Variants in PRKG2 observed in about 807,000 individuals in gnomAD.
PRKG2 encodes the protein protein kinase cGMP-dependent 2.
PRKG2 carries 33 observed loss-of-function variants against 97.2 expected under a neutral mutation model. That is an observed-to-expected ratio of 0.34 (90% CI 0.26 to 0.45). The LOEUF (loss-of-function observed/expected upper bound fraction) is 0.45. Ranked by LOEUF, PRKG2 falls within the 20% of genes least tolerant of loss-of-function variation. The probability of loss-of-function intolerance (pLI) is 1.00; values close to 1 mark genes in which losing one functional copy is unlikely to be tolerated. For synonymous variants in PRKG2, 330 were observed against 321.8 expected (o/e 1.03, Z -0.27); for missense variants, 638 against 900.0 (o/e 0.71, Z 3.73).
intron 12 of PRKG2, among the ~76,000 whole-genome samples, chr4:81,138,332 C>A (rs1746920408): frequency 6.6e-6 from 1 of 152,070 alleles, no homozygotes; most frequent in Non-Finnish European, 1.5e-5. Context: ...TTCTCCCTAG[C>A]ACCACATCCA....
Position 81,140,535 on chromosome 4 carries a change from C to T in PRKG2, c.1542G>A (p.Val514=). The change falls in exon 12 of 19, where the codon GTG becomes GTA. Residue 514 remains valine, a splice_region_variant and synonymous_variant. Coordinates refer to ENST00000264399, the MANE Select transcript of PRKG2 (RefSeq NM_006259.3). ...TTGGAAGCCAAGTGGTCACTTACTT[C>T]ACAATGAATGGAGAGCACAGCTCCT... ...ILEELCSPFI[V]KLYRTFKDNK... is the part of the protein sequence containing the mutation. 1.3e-6 allele frequency: 2 copies of T among 1,579,180 alleles called. No homozygotes were observed. The highest frequency in any genetic ancestry group is 1.2e-5 in the South Asian group (1 of 82,802).
Position 81,122,829 on chromosome 4 carries a change from A to G in PRKG2, c.1777-12218T>C, listed in dbSNP as rs542991697. 6.6e-5 allele frequency among the ~76,000 whole-genome samples: 10 copies of G among 152,334 alleles called. No individual in the cohort carries two copies. The South Asian group carries it at 1.9e-3, about 28-fold the overall frequency. On this transcript the variant is annotated intron_variant, in intron 14 of 18. Transcript: ENST00000264399. ...CAAAACTGGACTGCCCACAGTGTCC[A>G]TCACCCAGATGGAAGTCCTGTTGTA... is the stretch of plus-strand genomic sequence containing the variant.
intron 2 of PRKG2, among the ~76,000 whole-genome samples, chr4:81,177,631 C>T (rs1015594460): frequency 6.6e-6 from 1 of 151,990 alleles, no homozygotes; most frequent in Non-Finnish European, 1.5e-5. Flanking sequence ...ACCCAGAAGG[C>T]GGAAGTTGTA....
At chr4:81,112,576 A>C (rs1267987598) in intron 14 of PRKG2, among the ~76,000 whole-genome samples, 5 of 152,180 alleles carry the variant, frequency 3.3e-5, no homozygotes, top group Non-Finnish European at 7.3e-5. Context: ...GTATATTTCC[A>C]TTTGAATTGC....
At chr4:81,109,662 T>C (rs1743705860) in intron 15 of PRKG2, among the ~76,000 whole-genome samples, 2 of 152,206 alleles carry the variant, frequency 1.3e-5, no homozygotes, top group South Asian at 2.1e-4. Flanking sequence ...AAAATAATCA[T>C]AATAAAAATT....
intron 9 of PRKG2, among the ~76,000 whole-genome samples, chr4:81,147,791 G>T (rs765535134): frequency 6.6e-6 from 1 of 152,068 alleles, no homozygotes; most frequent in African/African-American, 2.4e-5. Context: ...GTGATATTAA[G>T]AATTATTGTT....
At chr4:81,107,958 A>G (rs2109975693) in intron 15 of PRKG2, among the ~76,000 whole-genome samples, 1 of 152,184 alleles carries the variant, frequency 6.6e-6, no homozygotes, top group South Asian at 2.1e-4. Flanking sequence ...TAATCCTAGC[A>G]CTTTGAGAGA....
In PRKG2 at chr4:81,110,519, G is replaced by C. The variant is rs1047466875; in HGVS notation, c.1869C>G (p.Leu623=). Residue 623 remains leucine, a synonymous_variant, in exon 15 of 19, where the codon CTC becomes CTG. Coordinates refer to ENST00000264399, the MANE Select transcript of PRKG2 (RefSeq NM_006259.3). ...CCACACTGAAGTCATGTCCCTTGTT[G>C]AGAATGACTTCAGGAGCTACATATT... ...TPEYVAPEVI[L]NKGHDFSVDF... 1 of 1,612,418 alleles carries C rather than the reference G, an allele frequency of 6.2e-7. No homozygotes were observed. The highest frequency in any genetic ancestry group is 8.5e-7 in the Non-Finnish European group (1 of 1,179,902).
At chr4:81,123,722 G>A (rs1745291497) in intron 14 of PRKG2, among the ~76,000 whole-genome samples, 1 of 152,120 alleles carries the variant, frequency 6.6e-6, no homozygotes, top group Admixed American at 6.5e-5. Flanking sequence ...TTTTTTAAAT[G>A]TATTTGACAA....
At chr4:81,166,697 G>T (rs1750016822) in intron 6 of PRKG2, among the ~76,000 whole-genome samples, 1 of 151,958 alleles carries the variant, frequency 6.6e-6, no homozygotes, top group African/African-American at 2.4e-5. Flanking sequence ...TGTTTTTTGT[G>T]GCCTAGAGTG....
intron 14 of PRKG2, among the ~76,000 whole-genome samples, chr4:81,112,947 C>T (rs1466445137): frequency 1.3e-5 from 2 of 152,072 alleles, no homozygotes; most frequent in Non-Finnish European, 2.9e-5. Context: ...CCACTATATA[C>T]CAAAAAGACT....
chr4:81,181,259 G>GT (rs1186447112), intron 2 of PRKG2, among the ~76,000 whole-genome samples: 1 of 151,878 alleles, frequency 6.6e-6, no homozygotes, highest in African/African-American at 2.4e-5. Flanking sequence ...ATCCTCAAAT[G>GT]TTTGAGAATT....
intron 14 of PRKG2, among the ~76,000 whole-genome samples, chr4:81,119,395 T>C (rs1002105770): frequency 1.6e-4 from 25 of 152,254 alleles, no homozygotes; most frequent in African/African-American, 5.8e-4. Context: ...TTGCTTTGCT[T>C]ATTTGTCAAA....
chr4:81,095,820 C>G (rs139133344), intron 17 of PRKG2, among the ~76,000 whole-genome samples: 4 of 152,154 alleles, frequency 2.6e-5, no homozygotes, highest in South Asian at 2.1e-4. Context: ...ACAGGCATAC[C>G]TTGGAGATAT....
chr4:81,191,938 T>C (rs528569096), intron 2 of PRKG2, among the ~76,000 whole-genome samples: 4 of 152,314 alleles, frequency 2.6e-5, no homozygotes, highest in African/African-American at 9.6e-5. Flanking sequence ...ATATTAAACT[T>C]GGATATAATG....
intron 17 of PRKG2, among the ~76,000 whole-genome samples, chr4:81,097,839 C>T (rs1369848120): frequency 6.6e-6 from 1 of 152,094 alleles, no homozygotes; most frequent in Non-Finnish European, 1.5e-5. Flanking sequence ...ATAGAGTTGA[C>T]TAGGGTTAGA....
intron 15 of PRKG2, among the ~76,000 whole-genome samples, chr4:81,108,466 T>A (rs1481096334): frequency 4.0e-5 from 6 of 150,488 alleles, no homozygotes; most frequent in Non-Finnish European, 7.4e-5. Context: ...ATTTATATAT[T>A]AACACTATTG....
chr4:81,111,607 T>C (rs537887823), intron 14 of PRKG2, among the ~76,000 whole-genome samples: 1 of 152,190 alleles, frequency 6.6e-6, no homozygotes, highest in East Asian at 1.9e-4. Context: ...TTAGGAACTC[T>C]CCCAGGGTAA....
intron 2 of PRKG2, among the ~76,000 whole-genome samples, chr4:81,189,289 C>A (rs1399812474): frequency 3.1e-5 from 4 of 128,886 alleles, no homozygotes; most frequent in Non-Finnish European, 3.0e-5. Flanking sequence ...AGAATGAGTT[C>A]TTTCTGAAGA....
Sources: allele counts gnomAD v4.1 joint callset (sites outside exome capture counted in the v4.1 genomes callset), GRCh38; gene constraint gnomAD v4.1.1; transcripts MANE v1.5; gene names NCBI Gene and HGNC (gene_info 2026-07-23, HGNC 2026-07-21).